The following AFG1L variants were observed in gnomAD, a reference collection of about 807,000 sequenced individuals.
AFG1L encodes the protein AFG1-like ATPase.
A neutral mutation model predicts 62.2 loss-of-function variants in AFG1L; 53 were observed. The ratio of observed to expected loss-of-function variants is 0.85; its 90% CI spans 0.68 to 1.07. The LOEUF (loss-of-function observed/expected upper bound fraction) is 1.07. AFG1L is among the 50% of genes least tolerant of loss of function. AFG1L has a pLI of 0.00. For synonymous variants in AFG1L, 228 were observed against 210.3 expected (o/e 1.08, Z -0.73); for missense variants, 555 against 590.5 (o/e 0.94, Z 0.62).
At chr6:108,300,947 T>G (rs1219573094) in intron 1 of AFG1L, among the ~76,000 whole-genome samples, 2 of 152,180 alleles carry the variant, frequency 1.3e-5, no homozygotes, top group Non-Finnish European at 2.9e-5. Flanking sequence ...GCTGGAATTA[T>G]AGGCGTGAGC....
At chr6:108,355,448 G>A (rs1017596534) in intron 3 of AFG1L, among the ~76,000 whole-genome samples, 15 of 152,048 alleles carry the variant, frequency 9.9e-5, no homozygotes, top group Admixed American at 2.6e-4. Flanking sequence ...CCTATAAACA[G>A]GATTTTAACA....
At chr6:108,488,761 G>A (rs1773666186) in intron 10 of AFG1L, among the ~76,000 whole-genome samples, 1 of 151,718 alleles carries the variant, frequency 6.6e-6, no homozygotes. Flanking sequence ...TCAGCTACTC[G>A]GGAGGCTGAG....
At chr6:108,442,560 G>A (rs1332365720) in intron 7 of AFG1L, among the ~76,000 whole-genome samples, 1 of 152,118 alleles carries the variant, frequency 6.6e-6, no homozygotes, top group Non-Finnish European at 1.5e-5. Flanking sequence ...AGCATTGCAG[G>A]GAGCCATGAC....
In AFG1L at chr6:108,513,348, G is replaced by A. The variant is rs144861465; in HGVS notation, c.1203+2996G>A. On this transcript the variant is annotated intron_variant, in intron 11 of 12. Transcript: ENST00000368977. ...CACCCGGGAAGCACAAGGCATCAGGGAATTCCCTTTCCTAGCGAAGGAAAG... is the reference window on the plus strand; with the variant it reads ...CACCCGGGAAGCACAAGGCATCAGGAAATTCCCTTTCCTAGCGAAGGAAAG... 3.4e-3 allele frequency among the ~76,000 whole-genome samples: 525 copies of A among 152,346 alleles called. 1 individual carries two copies. Among genetic ancestry groups the A allele is most frequent in the African/African-American group, 0.012 (496 of 41,576 alleles).
intron 7 of AFG1L, among the ~76,000 whole-genome samples, chr6:108,440,656 T>C (rs1220475641): frequency 1.3e-5 from 2 of 151,378 alleles, no homozygotes; most frequent in Non-Finnish European, 2.9e-5. Flanking sequence ...CCGTCTCTAC[T>C]AAAAAATACA....
intron 10 of AFG1L, among the ~76,000 whole-genome samples, chr6:108,495,067 A>T (rs1406315401): frequency 6.6e-6 from 1 of 151,668 alleles, no homozygotes; most frequent in African/African-American, 2.4e-5. Flanking sequence ...GAGCCACCAC[A>T]CCCAGCCTTG....
At chr6:108,370,274 A>T (rs1779945230) in intron 6 of AFG1L, among the ~76,000 whole-genome samples, 1 of 152,132 alleles carries the variant, frequency 6.6e-6, no homozygotes, top group Admixed American at 6.5e-5. Context: ...TTCTGGCTGT[A>T]GTTTGGAGAA....
At chr6:108,406,715 G>A (rs1201640260) in intron 7 of AFG1L, among the ~76,000 whole-genome samples, 3 of 152,194 alleles carry the variant, frequency 2.0e-5, no homozygotes, top group African/African-American at 7.2e-5. Flanking sequence ...TGAGATTACA[G>A]GTGTGAGCCA....
intron 1 of AFG1L, among the ~76,000 whole-genome samples, chr6:108,304,383 G>T (rs1777125385): frequency 6.6e-6 from 1 of 152,128 alleles, no homozygotes; most frequent in Admixed American, 6.6e-5. Context: ...TTTATCTTTT[G>T]GGTATGATTA....
intron 1 of AFG1L, among the ~76,000 whole-genome samples, chr6:108,306,417 C>A (rs1001617721): frequency 2.3e-4 from 35 of 152,178 alleles, no homozygotes; most frequent in Admixed American, 9.8e-4. Context: ...TTGAATCTTT[C>A]CTCAGGTGCG....
At chr6:108,366,723 A>G (rs754590454) in intron 6 of AFG1L, among the ~76,000 whole-genome samples, 4 of 152,208 alleles carry the variant, frequency 2.6e-5, no homozygotes, top group Admixed American at 1.3e-4. Context: ...ACTTGCTTGC[A>G]TGAATAGTTT....
chr6:108,335,440 G>T (rs1206703455), intron 2 of AFG1L, among the ~76,000 whole-genome samples: 1 of 152,120 alleles, frequency 6.6e-6, no homozygotes, highest in African/African-American at 2.4e-5. Context: ...GAGAGTGTAG[G>T]TGTCTCCATT....
At chr6:108,504,094 A>G (rs1028006570) in intron 10 of AFG1L, among the ~76,000 whole-genome samples, 5 of 152,246 alleles carry the variant, frequency 3.3e-5, no homozygotes, top group African/African-American at 1.2e-4. Context: ...CAAATCAACA[A>G]TAATGCTTTT....
intron 1 of AFG1L, among the ~76,000 whole-genome samples, chr6:108,297,202 A>AT (rs1391121412): frequency 1.3e-5 from 2 of 151,876 alleles, no homozygotes; most frequent in Non-Finnish European, 2.9e-5. Context: ...CACCTCCTGG[A>AT]TTCAAGCAAT....
intron 8 of AFG1L, among the ~76,000 whole-genome samples, chr6:108,471,404 A>T (rs1375829626): frequency 6.6e-6 from 1 of 150,698 alleles, no homozygotes; most frequent in Non-Finnish European, 1.5e-5. Flanking sequence ...CTAAGATAGT[A>T]TTGGGCCATA....
At chr6:108,437,441 A>G (rs1336930154) in intron 7 of AFG1L, among the ~76,000 whole-genome samples, 4 of 152,126 alleles carry the variant, frequency 2.6e-5, no homozygotes, top group African/African-American at 9.7e-5. Context: ...GTCTGTGAGT[A>G]TATGGTGTTG....
chr6:108,304,628 A>C (rs1777136832), intron 1 of AFG1L, among the ~76,000 whole-genome samples: 1 of 152,250 alleles, frequency 6.6e-6, no homozygotes, highest in Non-Finnish European at 1.5e-5. Flanking sequence ...CCAGCCCTTT[A>C]GAAATATTAA....
At chr6:108,443,766 T>G (rs1210325059) in intron 7 of AFG1L, among the ~76,000 whole-genome samples, 1 of 151,940 alleles carries the variant, frequency 6.6e-6, no homozygotes, top group Non-Finnish European at 1.5e-5. Context: ...TCCCACCTAC[T>G]TGGGAGGCTG....
chr6:108,429,568 A>G (rs1409470590), intron 7 of AFG1L, among the ~76,000 whole-genome samples: 1 of 152,208 alleles, frequency 6.6e-6, no homozygotes, highest in Non-Finnish European at 1.5e-5. Context: ...ATACTTTGTC[A>G]AAGATCAGCT....
Sources: gnomAD v4.1 joint callset for allele counts (sites outside exome capture counted in the v4.1 genomes callset) on GRCh38, gnomAD v4.1.1 for gene constraint, MANE v1.5 for transcripts, NCBI Gene and HGNC (gene_info 2026-07-23, HGNC 2026-07-21) for gene names.